ROBO2: variants seen among roughly 807,000 people sequenced by gnomAD.
The protein encoded by ROBO2 is roundabout guidance receptor 2.
ROBO2 carries 53 observed loss-of-function variants against 160.8 expected under a neutral mutation model. The observed-to-expected ratio is 0.33, with a 90% CI of 0.26 to 0.41. The LOEUF (loss-of-function observed/expected upper bound fraction) is 0.41, where lower values mean the gene tolerates loss of function less well. ROBO2 is among the 10% of genes least tolerant of loss of function. The pLI is 1.00. For missense variants in ROBO2, 1,577 were observed against 1,722.4 expected, an observed-to-expected ratio of 0.92 and a Z score of 1.49; for synonymous variants, 664 against 611.7, an observed-to-expected ratio of 1.09 and a Z score of -1.26.
At chr3:76,677,774 T>A (rs2092447388) in intron 2 of ROBO2, among the ~76,000 whole-genome samples, 1 of 152,108 alleles carries the variant, frequency 6.6e-6, no homozygotes, top group Non-Finnish European at 1.5e-5. Context: ...AATAATTTTG[T>A]GATCATGTGA....
At chr3:76,647,016 AG>A (rs2091002721) in intron 2 of ROBO2, among the ~76,000 whole-genome samples, 1 of 152,098 alleles carries the variant, frequency 6.6e-6, no homozygotes, top group African/African-American at 2.4e-5. Context: ...ACCTCAGAAA[AG>A]GGCACACGCT....
intron 2 of ROBO2, among the ~76,000 whole-genome samples, chr3:76,356,274 G>GTGAGCAAAAAA (rs2075156393): frequency 6.6e-6 from 1 of 151,228 alleles, no homozygotes. Context: ...AGAGAAACAA[G>GTGAGCAAAAAA]TGAGCAAAAA....
intron 2 of ROBO2, among the ~76,000 whole-genome samples, chr3:76,041,837 T>C (rs1029677139): frequency 1.3e-5 from 2 of 151,940 alleles, no homozygotes; most frequent in Non-Finnish European, 2.9e-5. Context: ...ACGGCTATGA[T>C]TTTGTCTGTA....
chr3:76,222,492 A>T (rs1470281561), intron 2 of ROBO2, among the ~76,000 whole-genome samples: 1 of 141,918 alleles, frequency 7.0e-6, no homozygotes, highest in Non-Finnish European at 1.5e-5. Context: ...AACCCTTGAG[A>T]TCTTATTGGG....
intron 2 of ROBO2, among the ~76,000 whole-genome samples, chr3:75,962,790 T>C (rs1258247020): frequency 6.6e-6 from 1 of 151,902 alleles, no homozygotes; most frequent in Non-Finnish European, 1.5e-5. Context: ...AAAATACGTG[T>C]GCTTTTATTT....
intron 2 of ROBO2, among the ~76,000 whole-genome samples, chr3:76,367,765 G>T (rs2075898403): frequency 6.6e-6 from 1 of 151,902 alleles, no homozygotes; most frequent in Non-Finnish European, 1.5e-5. Flanking sequence ...AGTACTGTGA[G>T]AAGCAGCAGC....
At chr3:76,050,942 G>T (rs1478825043) in intron 2 of ROBO2, among the ~76,000 whole-genome samples, 4 of 152,152 alleles carry the variant, frequency 2.6e-5, no homozygotes, top group Non-Finnish European at 2.9e-5. Flanking sequence ...CTTCCTTGTT[G>T]CCTGCCCATA....
At chr3:76,824,215 C>T (rs1489783336) in intron 2 of ROBO2, among the ~76,000 whole-genome samples, 4 of 152,188 alleles carry the variant, frequency 2.6e-5, no homozygotes. Context: ...CATTTCTACT[C>T]CACTGGGAAG....
intron 2 of ROBO2, among the ~76,000 whole-genome samples, chr3:76,677,233 G>A (rs2092434002): frequency 6.6e-6 from 1 of 151,934 alleles, no homozygotes; most frequent in South Asian, 2.1e-4. Flanking sequence ...GAAAAAAGGA[G>A]GTAGGAGGGA....
intron 2 of ROBO2, among the ~76,000 whole-genome samples, chr3:76,481,476 T>C (rs970980077): frequency 4.6e-5 from 7 of 152,158 alleles, no homozygotes; most frequent in Admixed American, 4.6e-4. Context: ...ATTCATTGTA[T>C]AGACATCTGT....
intron 2 of ROBO2, among the ~76,000 whole-genome samples, chr3:76,030,245 C>G (rs561236980): frequency 1.6e-3 from 238 of 149,376 alleles, no homozygotes; most frequent in African/African-American, 4.1e-3. Context: ...TGTTTAAGTT[C>G]CTTGTAGATT....
intron 2 of ROBO2, among the ~76,000 whole-genome samples, chr3:76,428,470 T>A (rs1332197612): frequency 1.3e-5 from 2 of 152,140 alleles, no homozygotes; most frequent in Non-Finnish European, 1.5e-5. Context: ...ATATGTCTAT[T>A]TCGAATGTTA....
At position 77,192,650 on chromosome 3, in the gene ROBO2, C is replaced by CTTTTTTT. The variant is rs71629633; in HGVS notation, c.388+94325_388+94331dup. 3.2e-4 allele frequency among the ~76,000 whole-genome samples: 35 copies of CTTTTTTT among 109,998 alleles called. 2 individuals carry two copies. The highest frequency in any genetic ancestry group is 5.3e-4 in the Admixed American group (5 of 9,426). The allele number at this position is 109,998 out of a possible 152,430, so 72.2% of individuals were successfully genotyped here. On this transcript the variant is annotated intron_variant, in intron 2 of 25. Transcript: ENST00000461745. ...TCCATTTTATGAACAAACACAATTC[C>CTTTTTTT]TTTTTTTTTTTTTTTTTTTTTGAGA...
intron 2 of ROBO2, among the ~76,000 whole-genome samples, chr3:77,206,636 C>T (rs1388334157): frequency 6.6e-6 from 1 of 151,988 alleles, no homozygotes; most frequent in African/African-American, 2.4e-5. Flanking sequence ...CAGTCTCACT[C>T]ATAAAGAAGA....
intron 2 of ROBO2, among the ~76,000 whole-genome samples, chr3:76,638,728 C>T (rs2090472878): frequency 6.6e-6 from 1 of 151,942 alleles, no homozygotes. Flanking sequence ...TATCAGTAGC[C>T]TTTTTTGTCT....
chr3:76,384,016 A>C (rs1253993854), intron 2 of ROBO2, among the ~76,000 whole-genome samples: 1 of 152,224 alleles, frequency 6.6e-6, no homozygotes, highest in African/African-American at 2.4e-5. Context: ...GCAGAAATGC[A>C]GAAGAGCGTC....
chr3:76,969,757 G>A (rs2059482567), intron 2 of ROBO2, among the ~76,000 whole-genome samples: 1 of 152,014 alleles, frequency 6.6e-6, no homozygotes, highest in Non-Finnish European at 1.5e-5. Flanking sequence ...ATAACAAAGA[G>A]GACGATTTTT....
chr3:77,582,922 C>T (rs1006979870), intron 16 of ROBO2, among the ~76,000 whole-genome samples: 2 of 151,950 alleles, frequency 1.3e-5, no homozygotes, highest in Non-Finnish European at 2.9e-5. Context: ...TGGCTGATTA[C>T]CTGAGCTCAG....
At chr3:76,943,329 TC>T (rs2078318665) in intron 2 of ROBO2, among the ~76,000 whole-genome samples, 1 of 152,120 alleles carries the variant, frequency 6.6e-6, no homozygotes, top group Non-Finnish European at 1.5e-5. Flanking sequence ...AGTAGTTGTG[TC>T]CCCAGACCTG....
Sources: allele counts gnomAD v4.1 joint callset (sites outside exome capture counted in the v4.1 genomes callset), GRCh38; gene constraint gnomAD v4.1.1; transcripts MANE v1.5; gene names NCBI Gene and HGNC (gene_info 2026-07-23, HGNC 2026-07-21).